Variants in TNPO1 observed in about 807,000 individuals in gnomAD.
TNPO1 encodes transportin 1.
Under a neutral mutation model 119.5 loss-of-function variants are expected in TNPO1, and 8 were observed. That is an observed-to-expected ratio of 0.07 (90% CI 0.04 to 0.12). TNPO1 has a LOEUF of 0.12. Ranked by LOEUF, TNPO1 falls within the 10% of genes least tolerant of loss-of-function variation. TNPO1 has a pLI of 1.00. For missense variants in TNPO1, 576 were observed against 1,089.8 expected, an observed-to-expected ratio of 0.53 and a Z score of 6.64; for synonymous variants, 362 against 363.0, an observed-to-expected ratio of 1.00 and a Z score of 0.03.
intron 6 of TNPO1, among the ~76,000 whole-genome samples, chr5:72,868,202 G>A (rs1034562633): frequency 1.3e-5 from 2 of 151,882 alleles, no homozygotes; most frequent in African/African-American, 2.4e-5. Flanking sequence ...GGAGGCCGAG[G>A]CAGGCGGATC....
chr5:72,871,614 G>C (rs266437), intron 6 of TNPO1: 125,425 of 152,176 alleles, frequency 0.82, 51,929 homozygotes, highest in Non-Finnish European at 0.86. Context: ...GTAAATGGCT[G>C]TCTGTAAAGG....
chr5:72,842,947 A>T (rs745697386), intron 1 of TNPO1, among the ~76,000 whole-genome samples: 20 of 152,170 alleles, frequency 1.3e-4, no homozygotes, highest in African/African-American at 3.1e-4. Flanking sequence ...TAGATTTCTG[A>T]TAAAGAGTCA....
intron 6 of TNPO1, among the ~76,000 whole-genome samples, chr5:72,869,104 C>T (rs138959798): frequency 3.9e-5 from 6 of 152,168 alleles, no homozygotes; most frequent in African/African-American, 1.4e-4. Context: ...ATAATTTTTC[C>T]GTATTTTTAT....
chr5:72,874,401 T>C (rs547887800), intron 7 of TNPO1, among the ~76,000 whole-genome samples: 3 of 152,286 alleles, frequency 2.0e-5, no homozygotes, highest in South Asian at 2.1e-4. Context: ...TGGGTATTCA[T>C]TGACAGTAGT....
At chr5:72,844,160 T>G (rs1745030937) in intron 1 of TNPO1, among the ~76,000 whole-genome samples, 1 of 152,186 alleles carries the variant, frequency 6.6e-6, no homozygotes, top group Admixed American at 6.5e-5. Context: ...AGGACAGACC[T>G]AGAAATAATT....
chr5:72,858,694 G>A (rs1037868824), intron 4 of TNPO1, among the ~76,000 whole-genome samples: 7 of 152,076 alleles, frequency 4.6e-5, no homozygotes, highest in African/African-American at 1.4e-4. Context: ...AAAATTATCC[G>A]GGTGTGGTGG....
At position 72,910,427 on chromosome 5, in the gene TNPO1, AAT is replaced by A. The variant is rs2112526407; in HGVS notation, c.*1755_*1756del. On this transcript the variant is annotated 3_prime_UTR_variant, in exon 25 of 25. Transcript: ENST00000337273. ...TCATATGAAAGTGCAAGTCTTTATT[AAT>A]TTGGATTGCCTGAACAGTGTATCCC... The A allele has an allele frequency of 6.5e-6, 1 of 152,704 alleles. No homozygotes were observed. The highest frequency in any genetic ancestry group is 2.4e-5 in the African/African-American group (1 of 41,578). The allele number at this position is 152,704 out of a possible 1,614,324, so 9.5% of individuals were successfully genotyped here.
intron 9 of TNPO1, among the ~76,000 whole-genome samples, chr5:72,881,256 G>A (rs775015854): frequency 1.3e-5 from 2 of 152,058 alleles, no homozygotes; most frequent in African/African-American, 2.4e-5. Flanking sequence ...GACTACAGGC[G>A]TGTGCCACCA....
chr5:72,861,211 A>G (rs889674674), intron 4 of TNPO1, among the ~76,000 whole-genome samples: 1 of 152,066 alleles, frequency 6.6e-6, no homozygotes, highest in African/African-American at 2.4e-5. Flanking sequence ...GTGCCCAGCC[A>G]TTAGAATTAA....
chr5:72,851,185 A>G, intron 2 of TNPO1, 59 bp from the exon 3 acceptor site: 1 of 1,058,168 alleles, frequency 9.5e-7, no homozygotes, highest in Non-Finnish European at 1.4e-6. Context: ...TAGATTTAAA[A>G]TGCTTAATTT....
chr5:72,845,074 C>CT (rs111512326), intron 1 of TNPO1, among the ~76,000 whole-genome samples: 47,440 of 142,340 alleles, frequency 0.33, 8,434 homozygotes, highest in African/African-American at 0.42. Context: ...GTTGAAATGC[C>CT]TTTTTTTTTT....
chr5:72,834,679 T>C (rs1580370800), intron 1 of TNPO1, among the ~76,000 whole-genome samples: 1 of 152,336 alleles, frequency 6.6e-6, no homozygotes, highest in East Asian at 1.9e-4. Flanking sequence ...AAAGTTACAG[T>C]AACAGCTGAG....
At chr5:72,835,196 A>G (rs1744647950) in intron 1 of TNPO1, among the ~76,000 whole-genome samples, 1 of 152,160 alleles carries the variant, frequency 6.6e-6, no homozygotes, top group Admixed American at 6.6e-5. Flanking sequence ...TTTTGCCCGT[A>G]TACAATTTTT....
At chr5:72,887,326 C>A in intron 12 of TNPO1, 104 bp downstream of exon 12, 2 of 1,315,224 alleles carry the variant, frequency 1.5e-6, no homozygotes, top group Non-Finnish European at 2.1e-6. Flanking sequence ...AACCAGATAA[C>A]TAGTATTAAA....
Position 72,911,741 on chromosome 5 carries a change from C to T in TNPO1, c.*3068C>T, listed in dbSNP as rs1445963017. The T allele has an allele frequency of 6.6e-6, 1 of 152,504 alleles. No individual in the cohort carries two copies. Among genetic ancestry groups the T allele is most frequent in the East Asian group, 1.9e-4 (1 of 5,194 alleles). 9.4% of individuals were successfully genotyped at this position (152,504 alleles called of 1,614,324 possible). ...CACACTAAAATGCTGTTAGTGTGCTCAACTACAGAAATAGCCGCTGCTAAG... is the reference window on the plus strand; with the variant it reads ...CACACTAAAATGCTGTTAGTGTGCTTAACTACAGAAATAGCCGCTGCTAAG... On this transcript the variant is annotated 3_prime_UTR_variant, in exon 25 of 25. Coordinates refer to ENST00000337273, the MANE Select transcript of TNPO1 (RefSeq NM_002270.4).
At chr5:72,835,625 C>T (rs1744664279) in intron 1 of TNPO1, among the ~76,000 whole-genome samples, 1 of 152,158 alleles carries the variant, frequency 6.6e-6, no homozygotes, top group African/African-American at 2.4e-5. Context: ...AAGACTCCAC[C>T]TGTTAATATT....
In TNPO1 at chr5:72,879,395, A is replaced by G. The variant is rs138501309; in HGVS notation, c.920+2049A>G. On this transcript the variant is annotated intron_variant, in intron 9 of 24. Coordinates refer to ENST00000337273, the MANE Select transcript of TNPO1 (RefSeq NM_002270.4). ...AATTATAACTAGGTACTCTAACTCTATTACTGCACTAATATAATCCAAATA... is the reference window on the plus strand; with the variant it reads ...AATTATAACTAGGTACTCTAACTCTGTTACTGCACTAATATAATCCAAATA... 2.9e-3 allele frequency among the ~76,000 whole-genome samples: 440 copies of G among 152,336 alleles called. 9 individuals are homozygous for G. The highest frequency in any genetic ancestry group is 0.023 in the Admixed American group (350 of 15,308).
Position 72,899,988 on chromosome 5 carries a change from G to A in TNPO1, c.2339-18G>A, listed in dbSNP as rs762128289. Reference sequence around the variant, plus strand: ...GGTTGGCGTTTGGTGGTGTATAACCGTGATTGCGTTACCTTAGCAATAACA... The same window carrying A: ...GGTTGGCGTTTGGTGGTGTATAACCATGATTGCGTTACCTTAGCAATAACA... On this transcript the variant is annotated intron_variant, in intron 20 of 24. Transcript: ENST00000337273. 11 of 1,612,882 alleles carry A rather than the reference G, an allele frequency of 6.8e-6. No individual in the cohort carries two copies. The South Asian group carries it at 8.8e-5, about 13-fold the overall frequency.
At chr5:72,848,814 C>G (rs868141941) in intron 2 of TNPO1, among the ~76,000 whole-genome samples, 9 of 149,538 alleles carry the variant, frequency 6.0e-5, no homozygotes, top group Admixed American at 2.0e-4. Flanking sequence ...GCCGGGCCGC[C>G]ACGTCCCCGC....
Sources: allele counts gnomAD v4.1 joint callset (sites outside exome capture counted in the v4.1 genomes callset), GRCh38; gene constraint gnomAD v4.1.1; transcripts MANE v1.5; gene names NCBI Gene and HGNC (gene_info 2026-07-23, HGNC 2026-07-21).